ACTR3C: variants seen among roughly 807,000 people sequenced by gnomAD.
The protein encoded by ACTR3C is actin related protein 3C.
A neutral mutation model predicts 26.3 loss-of-function variants in ACTR3C; 18 were observed. That is an observed-to-expected ratio of 0.68 (90% CI 0.47 to 1.01). The LOEUF (loss-of-function observed/expected upper bound fraction) is 1.01. ACTR3C is among the 50% of genes least tolerant of loss of function. The probability of loss-of-function intolerance (pLI) is 0.00; values close to 1 mark genes in which losing one functional copy is unlikely to be tolerated. For missense variants in ACTR3C, 184 were observed against 250.7 expected (o/e 0.73, Z 1.80); for synonymous variants, 55 against 94.5 (o/e 0.58, Z 2.42).
the ACTR3C span, among the ~76,000 whole-genome samples, chr7:150,213,540 T>C: frequency 6.6e-6 from 1 of 151,952 alleles, no homozygotes; most frequent in African/African-American, 2.4e-5. Flanking sequence ...AGGAGGGAAA[T>C]TCTTTAAGCC....
At chr7:150,003,308 G>A in the ACTR3C span, among the ~76,000 whole-genome samples, 10 of 152,402 alleles carry the variant, frequency 6.6e-5, no homozygotes, top group East Asian at 1.9e-3. Context: ...GGTATAATAT[G>A]TGCAGTGTGT....
At chr7:150,012,202 CTT>C in the ACTR3C span, among the ~76,000 whole-genome samples, 1 of 150,274 alleles carries the variant, frequency 6.7e-6, no homozygotes, top group African/African-American at 2.5e-5. Context: ...TAAAGAAGCT[CTT>C]TTTTTTTCTT....
the ACTR3C span, among the ~76,000 whole-genome samples, chr7:150,130,690 A>G: frequency 6.6e-6 from 1 of 152,248 alleles, no homozygotes; most frequent in Non-Finnish European, 1.5e-5. Context: ...ATGAGTGTTC[A>G]TAACTTTATT....
At chr7:149,975,865 CAATTGTCTCCA>C in the ACTR3C span, among the ~76,000 whole-genome samples, 3 of 152,172 alleles carry the variant, frequency 2.0e-5, no homozygotes, top group Non-Finnish European at 4.4e-5. Context: ...CCCCAGGATT[CAATTGTCTCCA>C]CCTGGTCCTG....
chr7:150,037,132 G>GTAA, the ACTR3C span, among the ~76,000 whole-genome samples: 5 of 54,824 alleles, frequency 9.1e-5, no homozygotes, highest in African/African-American at 4.2e-4. Context: ...CTGGCTCTCA[G>GTAA]TCCCTGCCTC....
At chr7:150,288,446 C>T (rs1371677302) in intron 4 of ACTR3C, among the ~76,000 whole-genome samples, 2 of 135,456 alleles carry the variant, frequency 1.5e-5, no homozygotes, top group Non-Finnish European at 1.5e-5. Flanking sequence ...GACGAGATCT[C>T]GCTATATCAC....
At chr7:150,234,734 A>C in the ACTR3C span, among the ~76,000 whole-genome samples, 3 of 152,144 alleles carry the variant, frequency 2.0e-5, no homozygotes, top group African/African-American at 7.2e-5. Flanking sequence ...TCTCATTTGG[A>C]TACACGAATT....
the ACTR3C span, among the ~76,000 whole-genome samples, chr7:150,208,525 A>AT: frequency 2.0e-5 from 3 of 152,048 alleles, no homozygotes; most frequent in African/African-American, 2.4e-5. Context: ...AAAGGGCCCT[A>AT]TTTTTGTAGT....
the ACTR3C span, among the ~76,000 whole-genome samples, chr7:150,123,304 G>A: frequency 6.6e-6 from 1 of 152,016 alleles, no homozygotes; most frequent in Non-Finnish European, 1.5e-5. Context: ...TAAACAGCTC[G>A]GGTACCTCTC....
chr7:150,004,246 T>C, the ACTR3C span, among the ~76,000 whole-genome samples: 1 of 151,274 alleles, frequency 6.6e-6, no homozygotes, highest in Admixed American at 6.6e-5. Flanking sequence ...GTGTGTATTA[T>C]GTGATATGTG....
chr7:150,191,997 T>C, the ACTR3C span, among the ~76,000 whole-genome samples: 1 of 151,904 alleles, frequency 6.6e-6, no homozygotes, highest in Admixed American at 6.6e-5. Context: ...CATATAGTTT[T>C]CTTGTTTGCT....
At chr7:150,166,767 C>T in the ACTR3C span, among the ~76,000 whole-genome samples, 17 of 150,372 alleles carry the variant, frequency 1.1e-4, no homozygotes, top group East Asian at 1.4e-3. Flanking sequence ...CTCATCTCAT[C>T]GTATTTTTGC....
At chr7:150,110,256 A>T in the ACTR3C span, among the ~76,000 whole-genome samples, 138 of 151,694 alleles carry the variant, frequency 9.1e-4, no homozygotes, top group African/African-American at 3.3e-3. Flanking sequence ...TGGGCAAAGC[A>T]AAAACAGTAA....
chr7:149,988,528 A>G, the ACTR3C span, among the ~76,000 whole-genome samples: 2 of 152,172 alleles, frequency 1.3e-5, no homozygotes, highest in Non-Finnish European at 2.9e-5. Flanking sequence ...GCCTACATCA[A>G]TTGGTTTACT....
At chr7:150,149,066 G>A in the ACTR3C span, among the ~76,000 whole-genome samples, 41 of 113,166 alleles carry the variant, frequency 3.6e-4, no homozygotes, top group Non-Finnish European at 6.4e-4. Context: ...TCTTGGTTAC[G>A]AATAAAGTTT....
the ACTR3C span, among the ~76,000 whole-genome samples, chr7:150,027,745 C>T: frequency 6.6e-6 from 1 of 151,908 alleles, no homozygotes; most frequent in Non-Finnish European, 1.5e-5. Flanking sequence ...GATAAATAAC[C>T]AATGGTCCAT....
At chr7:149,895,721 A>G in the ACTR3C span, among the ~76,000 whole-genome samples, 1 of 152,160 alleles carries the variant, frequency 6.6e-6, no homozygotes, top group African/African-American at 2.4e-5. Context: ...CTGTAGTCCT[A>G]GCTACTTGGA....
At chr7:150,007,112 C>T in the ACTR3C span, among the ~76,000 whole-genome samples, 141 of 152,100 alleles carry the variant, frequency 9.3e-4, no homozygotes, top group African/African-American at 3.2e-3. Flanking sequence ...TGAGGGTCCT[C>T]GAAGTGTGAA....
chr7:150,301,402 C>T (rs1795433280), intron 1 of ACTR3C, among the ~76,000 whole-genome samples: 2 of 152,186 alleles, frequency 1.3e-5, no homozygotes, highest in East Asian at 1.9e-4. Context: ...TTAACCCTGG[C>T]TCCCTGCATT....
Sources: allele counts gnomAD v4.1 joint callset (sites outside exome capture counted in the v4.1 genomes callset), GRCh38; gene constraint gnomAD v4.1.1; transcripts MANE v1.5; gene names NCBI Gene and HGNC (gene_info 2026-07-23, HGNC 2026-07-21).